The following DSCAML1 variants were observed in gnomAD, a reference collection of about 807,000 sequenced individuals.
The protein encoded by DSCAML1 is cell adhesion molecule DSCAML1.
In DSCAML1, 38 loss-of-function variants were observed where a neutral mutation model predicts 200.5. That is an observed-to-expected ratio of 0.19 (90% confidence interval 0.15 to 0.25). DSCAML1 has a LOEUF of 0.25. Among genes scored for constraint, DSCAML1 ranks in the 10% least tolerant of loss-of-function variants. DSCAML1 has a pLI of 1.00. For missense variants in DSCAML1, 2,223 were observed against 2,858.8 expected, an observed-to-expected ratio of 0.78 and a Z score of 5.07; for synonymous variants, 1,215 against 1,165.0, an observed-to-expected ratio of 1.04 and a Z score of -0.87.
chr11:117,470,463 T>C (rs1180483921), intron 15 of DSCAML1, among the ~76,000 whole-genome samples: 1 of 152,198 alleles, frequency 6.6e-6, no homozygotes, highest in Non-Finnish European at 1.5e-5. Context: ...TAGTCCCAGC[T>C]GCTCGGGAGG....
intron 3 of DSCAML1, among the ~76,000 whole-genome samples, chr11:117,752,480 T>C (rs1034454261): frequency 9.9e-5 from 15 of 152,178 alleles, no homozygotes; most frequent in Admixed American, 2.0e-4. Flanking sequence ...CTAGATCCCC[T>C]AAGAAGCTTA....
At chr11:117,579,777 A>G (rs1337797709) in intron 3 of DSCAML1, among the ~76,000 whole-genome samples, 1 of 152,232 alleles carries the variant, frequency 6.6e-6, no homozygotes, top group Non-Finnish European at 1.5e-5. Flanking sequence ...TGCTTGGCAC[A>G]TTGTAGATGC....
intron 17 of DSCAML1, among the ~76,000 whole-genome samples, chr11:117,462,962 C>T (rs532734666): frequency 3.3e-5 from 5 of 152,330 alleles, no homozygotes; most frequent in East Asian, 3.9e-4. Context: ...GGGCCCCCCA[C>T]GAGGCAAGGG....
intron 3 of DSCAML1, among the ~76,000 whole-genome samples, chr11:117,579,150 C>T (rs1469889424): frequency 1.3e-5 from 2 of 152,226 alleles, no homozygotes; most frequent in Non-Finnish European, 2.9e-5. Flanking sequence ...CCCACCGAGG[C>T]TCTGCAGCCC....
chr11:117,794,883 G>A (rs961211284), intron 1 of DSCAML1, among the ~76,000 whole-genome samples: 1 of 152,158 alleles, frequency 6.6e-6, no homozygotes, highest in East Asian at 1.9e-4. Flanking sequence ...GACAGACGCT[G>A]GAGCCTCTGA....
intron 5 of DSCAML1, among the ~76,000 whole-genome samples, chr11:117,523,000 G>T (rs191348749): frequency 2.6e-5 from 4 of 152,314 alleles, no homozygotes; most frequent in African/African-American, 9.6e-5. Flanking sequence ...ACATCTGGAA[G>T]TGGTGACTTG....
At chr11:117,597,863 G>T (rs936331849) in intron 3 of DSCAML1, among the ~76,000 whole-genome samples, 4 of 151,362 alleles carry the variant, frequency 2.6e-5, no homozygotes, top group Admixed American at 6.6e-5. Context: ...GAATCATCCA[G>T]AACTCAAGTG....
chr11:117,736,696 A>G (rs1356219060), intron 3 of DSCAML1, among the ~76,000 whole-genome samples: 1 of 152,156 alleles, frequency 6.6e-6, no homozygotes, highest in Non-Finnish European at 1.5e-5. Context: ...TTTCCCTGAC[A>G]CACACACATT....
chr11:117,591,240 G>A (rs1446001951), intron 3 of DSCAML1, among the ~76,000 whole-genome samples: 6 of 152,244 alleles, frequency 3.9e-5, no homozygotes, highest in African/African-American at 1.4e-4. Flanking sequence ...GGGGCGAGGA[G>A]CAGGTTCCAA....
At chr11:117,783,356 G>C (rs561402751) in intron 1 of DSCAML1, among the ~76,000 whole-genome samples, 1 of 152,070 alleles carries the variant, frequency 6.6e-6, no homozygotes, top group Non-Finnish European at 1.5e-5. Context: ...GAGAATCCCC[G>C]ACAAGGAGGA....
chr11:117,690,128 A>C (rs2053470942), intron 3 of DSCAML1, among the ~76,000 whole-genome samples: 1 of 152,264 alleles, frequency 6.6e-6, no homozygotes, highest in African/African-American at 2.4e-5. Context: ...AGTAAAGCTG[A>C]AGACAGAGCT....
chr11:117,732,685 G>A (rs2137821143), intron 3 of DSCAML1, among the ~76,000 whole-genome samples: 1 of 152,286 alleles, frequency 6.6e-6, no homozygotes, highest in East Asian at 1.9e-4. Context: ...GTCTGCAGAG[G>A]GATAGCTGGG....
intron 3 of DSCAML1, among the ~76,000 whole-genome samples, chr11:117,677,144 A>G (rs2053230011): frequency 6.6e-6 from 1 of 152,170 alleles, no homozygotes; most frequent in African/African-American, 2.4e-5. Context: ...ATTTGTGATG[A>G]TGGCATGTAA....
At chr11:117,492,708 G>A (rs1246412451) in intron 11 of DSCAML1, among the ~76,000 whole-genome samples, 3 of 152,198 alleles carry the variant, frequency 2.0e-5, no homozygotes, top group Admixed American at 2.0e-4. Flanking sequence ...CATTGTTGGC[G>A]CGCCGGGTGG....
chr11:117,769,552 A>ATATAT (rs71037497), intron 3 of DSCAML1, among the ~76,000 whole-genome samples: 2,839 of 67,710 alleles, frequency 0.042, 566 homozygotes, highest in African/African-American at 0.15. Flanking sequence ...TATATTTTAT[A>ATATAT]TATATATTTT....
chr11:117,677,492 G>C (rs2053235835), intron 3 of DSCAML1, among the ~76,000 whole-genome samples: 1 of 152,114 alleles, frequency 6.6e-6, no homozygotes, highest in Non-Finnish European at 1.5e-5. Flanking sequence ...AGGGAGAGGG[G>C]AGGGTGCTGA....
intron 19 of DSCAML1, among the ~76,000 whole-genome samples, chr11:117,454,818 T>C (rs1565695948): frequency 1.3e-5 from 2 of 152,202 alleles, no homozygotes; most frequent in Non-Finnish European, 2.9e-5. Context: ...CAATTTCCAG[T>C]ATTGGGATGA....
intron 3 of DSCAML1, among the ~76,000 whole-genome samples, chr11:117,539,256 T>C (rs74735117): frequency 0.016 from 2,372 of 152,258 alleles, 36 homozygotes; most frequent in East Asian, 0.078. Flanking sequence ...TTTCTGCACC[T>C]GGCAAACCTC....
chr11:117,734,076 T>C (rs976552580), intron 3 of DSCAML1, among the ~76,000 whole-genome samples: 7 of 151,732 alleles, frequency 4.6e-5, no homozygotes, highest in African/African-American at 1.7e-4. Flanking sequence ...GGATAAGTCA[T>C]CCTCCTCTGG....
Sources: allele counts gnomAD v4.1 joint callset (sites outside exome capture counted in the v4.1 genomes callset), GRCh38; gene constraint gnomAD v4.1.1; transcripts MANE v1.5; gene names NCBI Gene and HGNC (gene_info 2026-07-23, HGNC 2026-07-21).